The following AK5 variants were observed in gnomAD, a reference collection of about 807,000 sequenced individuals.
AK5 encodes the protein adenylate kinase 5.
AK5 carries 27 observed loss-of-function variants against 69.5 expected under a neutral mutation model. That is an observed-to-expected ratio of 0.39 (90% confidence interval 0.29 to 0.54). The LOEUF (loss-of-function observed/expected upper bound fraction) is 0.54. AK5 is among the 20% of genes least tolerant of loss of function. The probability of loss-of-function intolerance (pLI) is 0.71; values close to 1 mark genes in which losing one functional copy is unlikely to be tolerated. For missense variants in AK5, 531 were observed against 700.4 expected (o/e 0.76, Z 2.73); for synonymous variants, 260 against 244.4 (o/e 1.06, Z -0.60).
In AK5 at chr1:77,286,943, C is replaced by T. The variant is rs561450114; in HGVS notation, c.63C>T (p.Ser21=). The T allele has an allele frequency of 3.5e-6, 5 of 1,418,174 alleles. No individual in the cohort carries two copies. In the South Asian group the frequency reaches 9.3e-5, roughly 26 times the overall value. The allele number at this position is 1,418,174 out of a possible 1,614,324, so 87.8% of individuals were successfully genotyped here. ...GTACATATTTTGTTATATTTCAGAG[C>T]CTTTTGAATGGACTGATGTGTTCTA... The part of the protein sequence containing the change: ...ARREIPQLFE[S]LLNGLMCSKP... Residue 21 remains serine, a splice_region_variant and synonymous_variant, in exon 2 of 14, where the codon AGC becomes AGT. Transcript: ENST00000354567.
Position 77,368,238 on chromosome 1 carries a change from TA to T in AK5, c.891+27671del, listed in dbSNP as rs1263345050. Among the ~76,000 whole-genome samples, 4 of 1,912 alleles carry T rather than the reference TA, an allele frequency of 2.1e-3. No individual in the cohort carries two copies. In the East Asian group the frequency reaches 0.2, roughly 96 times the overall value. The allele number at this position is 1,912 out of a possible 152,430, so 1.3% of individuals were successfully genotyped here. A position where few individuals can be genotyped will look rare whatever the true frequency, so the allele number is the denominator to read the frequency against. On this transcript the variant is annotated intron_variant, in intron 6 of 13. Transcript: ENST00000354567. ...TACTATATATATATATATATATATATATATATATATATATAATATATATGTT... is the reference window on the plus strand; with the variant it reads ...TACTATATATATATATATATATATATTATATATATATATAATATATATGTT...
At chr1:77,533,935 T>C (rs1002890617) in intron 12 of AK5, among the ~76,000 whole-genome samples, 1 of 151,934 alleles carries the variant, frequency 6.6e-6, no homozygotes, top group Non-Finnish European at 1.5e-5. Context: ...CCTTTCTTGC[T>C]GCACAAATGC....
chr1:77,535,541 C>G (rs530345732), intron 12 of AK5, among the ~76,000 whole-genome samples: 1 of 152,298 alleles, frequency 6.6e-6, no homozygotes, highest in Non-Finnish European at 1.5e-5. Context: ...CTCACACATA[C>G]ATACTCCTTT....
At chr1:77,343,101 GTTGAGTTATGTGTTATAATTGT>G (rs929211932) in intron 6 of AK5, among the ~76,000 whole-genome samples, 1 of 152,150 alleles carries the variant, frequency 6.6e-6, no homozygotes, top group African/African-American at 2.4e-5. Context: ...TGTGATGACT[GTTGAGTTATGTGTTATAATTGT>G]GATGGATTAT....
intron 12 of AK5, among the ~76,000 whole-genome samples, chr1:77,535,287 A>G (rs1362347224): frequency 2.6e-5 from 4 of 152,224 alleles, no homozygotes; most frequent in South Asian, 4.1e-4. Flanking sequence ...AGTAGCTTAC[A>G]AGTAAAGTGA....
intron 5 of AK5, among the ~76,000 whole-genome samples, chr1:77,339,280 T>C (rs527928147): frequency 1.3e-5 from 2 of 152,368 alleles, no homozygotes; most frequent in South Asian, 2.1e-4. Flanking sequence ...CAAACCACTA[T>C]GCAAACTGTC....
intron 10 of AK5, among the ~76,000 whole-genome samples, chr1:77,509,139 T>C (rs1211258772): frequency 6.6e-6 from 1 of 151,560 alleles, no homozygotes; most frequent in Non-Finnish European, 1.5e-5. Flanking sequence ...GGGTTGCCTC[T>C]GTGAAGCTCA....
chr1:77,497,378 G>A (rs1321363804), intron 10 of AK5, among the ~76,000 whole-genome samples: 1 of 152,136 alleles, frequency 6.6e-6, no homozygotes, highest in Non-Finnish European at 1.5e-5. Flanking sequence ...CCGGAAGGAA[G>A]AAACTCCGGA....
chr1:77,432,765 C>T (rs907729423), intron 8 of AK5, among the ~76,000 whole-genome samples: 3 of 152,028 alleles, frequency 2.0e-5, no homozygotes, highest in African/African-American at 7.2e-5. Flanking sequence ...TTTATTTAAA[C>T]AATAGATACC....
At position 77,420,978 on chromosome 1, in the gene AK5, A is replaced by G. The variant is rs551172730; in HGVS notation, c.1059+3263A>G. Among the ~76,000 whole-genome samples the G allele has an allele frequency of 3.3e-5, 5 of 152,350 alleles. No individual in the cohort carries two copies. The South Asian group carries it at 8.3e-4, about 25-fold the overall frequency. On this transcript the variant is annotated intron_variant, in intron 8 of 13. Transcript: ENST00000354567. The stretch of plus-strand genomic sequence containing the variant: ...CAATGAATGTGGCTTTGTTGCAGTA[A>G]AACATCATATGTGGATACTGAAATT...
At chr1:77,349,682 A>G (rs1662096205) in intron 6 of AK5, 1 of 152,238 alleles carries the variant, frequency 6.6e-6, no homozygotes, top group Admixed American at 6.5e-5. Flanking sequence ...GATGTAAAAT[A>G]ATTAAGATAA....
At chr1:77,460,335 G>C (rs1653755998) in intron 8 of AK5, among the ~76,000 whole-genome samples, 1 of 152,258 alleles carries the variant, frequency 6.6e-6, no homozygotes, top group Admixed American at 6.5e-5. Flanking sequence ...AATATACAAA[G>C]CAAGACAAAG....
chr1:77,378,749 AG>A (rs2100496758), intron 6 of AK5, among the ~76,000 whole-genome samples: 1 of 152,376 alleles, frequency 6.6e-6, no homozygotes, highest in South Asian at 2.1e-4. Flanking sequence ...AGAGCTCTCC[AG>A]GGAAGATAAA....
chr1:77,338,981 C>T (rs1661508621), intron 5 of AK5, among the ~76,000 whole-genome samples: 1 of 152,102 alleles, frequency 6.6e-6, no homozygotes, highest in East Asian at 1.9e-4. Context: ...AACTGGAATC[C>T]ATGTCTTCCA....
chr1:77,520,113 G>A (rs1038597747), intron 11 of AK5, among the ~76,000 whole-genome samples: 3 of 150,020 alleles, frequency 2.0e-5, no homozygotes, highest in Non-Finnish European at 4.4e-5. Context: ...TGAGGCAGGG[G>A]AATTGCTTGA....
At chr1:77,522,394 G>A (rs1025485277) in intron 12 of AK5, among the ~76,000 whole-genome samples, 4 of 152,194 alleles carry the variant, frequency 2.6e-5, no homozygotes, top group South Asian at 2.1e-4. Flanking sequence ...GAGGGAAGAA[G>A]AGGGAATACG....
intron 8 of AK5, among the ~76,000 whole-genome samples, chr1:77,436,684 G>T (rs1428307843): frequency 6.6e-6 from 1 of 151,554 alleles, no homozygotes; most frequent in Non-Finnish European, 1.5e-5. Context: ...AAACTAAGAA[G>T]AATTAATTTA....
chr1:77,311,521 A>G (rs1659961598), intron 5 of AK5, among the ~76,000 whole-genome samples: 1 of 152,162 alleles, frequency 6.6e-6, no homozygotes, highest in South Asian at 2.1e-4. Flanking sequence ...AGATTAAATG[A>G]TATAAAATAT....
intron 6 of AK5, among the ~76,000 whole-genome samples, chr1:77,382,227 A>ATTTTTTTT (rs11306378): frequency 2.9e-5 from 4 of 136,732 alleles, no homozygotes; most frequent in Admixed American, 7.3e-5. Context: ...TAATCTTTTA[A>ATTTTTTTT]TTTTTTTTTT....
Sources: gnomAD v4.1 joint callset for allele counts (sites outside exome capture counted in the v4.1 genomes callset) on GRCh38, gnomAD v4.1.1 for gene constraint, MANE v1.5 for transcripts, NCBI Gene and HGNC (gene_info 2026-07-23, HGNC 2026-07-21) for gene names.